Variants in GMDS observed in about 807,000 individuals in gnomAD.
GMDS encodes GDP-mannose 4,6 dehydratase.
GMDS carries 20 observed loss-of-function variants against 49.9 expected under a neutral mutation model. The observed-to-expected ratio is 0.40, with a 90% confidence interval of 0.28 to 0.58. GMDS has a LOEUF of 0.58. GMDS is among the 20% of genes least tolerant of loss of function. The pLI, the probability that GMDS is intolerant of heterozygous loss-of-function variation, is 0.42. For synonymous variants in GMDS, 177 were observed against 178.6 expected, an observed-to-expected ratio of 0.99 and a Z score of 0.07; for missense variants, 362 against 481.4, an observed-to-expected ratio of 0.75 and a Z score of 2.32.
chr6:1,715,351 G>C (rs1301193212), intron 9 of GMDS, among the ~76,000 whole-genome samples: 1 of 152,150 alleles, frequency 6.6e-6, no homozygotes, highest in East Asian at 1.9e-4. Flanking sequence ...AATAATTTTG[G>C]TTCTATCAGA....
intron 9 of GMDS, among the ~76,000 whole-genome samples, chr6:1,630,684 C>G (rs748271497): frequency 6.6e-6 from 1 of 152,164 alleles, no homozygotes; most frequent in African/African-American, 2.4e-5. Flanking sequence ...TGCATCATAC[C>G]TATTTACAAG....
At chr6:1,896,079 G>C (rs189932410) in intron 7 of GMDS, among the ~76,000 whole-genome samples, 4 of 152,202 alleles carry the variant, frequency 2.6e-5, no homozygotes, top group African/African-American at 9.6e-5. Flanking sequence ...AAGCAGATTG[G>C]GGGAGCAGAG....
At chr6:1,973,811 A>AC (rs1764748149) in intron 4 of GMDS, among the ~76,000 whole-genome samples, 1 of 152,164 alleles carries the variant, frequency 6.6e-6, no homozygotes, top group South Asian at 2.1e-4. Flanking sequence ...AACAACAACA[A>AC]AAAAAAGAGA....
At chr6:1,989,824 T>C (rs1437544709) in intron 4 of GMDS, among the ~76,000 whole-genome samples, 4 of 152,246 alleles carry the variant, frequency 2.6e-5, no homozygotes, top group African/African-American at 9.6e-5. Flanking sequence ...ACATCCAATG[T>C]GAGGGGCTGA....
intron 1 of GMDS, among the ~76,000 whole-genome samples, chr6:2,189,495 C>G (rs577226405): frequency 6.6e-6 from 1 of 152,138 alleles, no homozygotes; most frequent in Non-Finnish European, 1.5e-5. Context: ...TGTCCTCCCC[C>G]AAAAGTCCCA....
At chr6:2,035,362 T>C (rs1769238427) in intron 4 of GMDS, among the ~76,000 whole-genome samples, 1 of 152,218 alleles carries the variant, frequency 6.6e-6, no homozygotes, top group Admixed American at 6.5e-5. Flanking sequence ...AGCTTATCCA[T>C]TCTTCAAGGC....
chr6:1,803,601 A>G (rs1770041857), intron 7 of GMDS, among the ~76,000 whole-genome samples: 1 of 151,382 alleles, frequency 6.6e-6, no homozygotes, highest in Non-Finnish European at 1.5e-5. Context: ...AATAAATATA[A>G]TAGTTACTTT....
At chr6:1,752,115 T>C (rs1350756450) in intron 7 of GMDS, among the ~76,000 whole-genome samples, 1 of 152,110 alleles carries the variant, frequency 6.6e-6, no homozygotes, top group African/African-American at 2.4e-5. Context: ...TCTAACCCAA[T>C]GCAAGAAAGC....
intron 7 of GMDS, among the ~76,000 whole-genome samples, chr6:1,851,743 G>A (rs916157198): frequency 1.8e-4 from 28 of 152,132 alleles, no homozygotes; most frequent in African/African-American, 5.8e-4. Flanking sequence ...AGAAAAAAAA[G>A]AAAAGCTGGA....
intron 1 of GMDS, among the ~76,000 whole-genome samples, chr6:2,160,090 C>A (rs1777318417): frequency 1.3e-5 from 2 of 152,142 alleles, no homozygotes; most frequent in Admixed American, 1.3e-4. Context: ...ACAATTTAAG[C>A]CTAAATATTA....
chr6:1,817,013 G>T lies in GMDS; in HGVS notation c.772-74427C>A, dbSNP rs1247369286. Among the ~76,000 whole-genome samples the T allele has an allele frequency of 2.7e-5, 4 of 149,716 alleles. No homozygotes were observed. The East Asian group carries it at 7.8e-4, about 29-fold the overall frequency. ...TCTAAAGCAGTATCTAAAAAAATTT[G>T]TCATTAGTAAATTAGCAGTGTCCAT... On this transcript the variant is annotated intron_variant, in intron 7 of 10. Transcript: ENST00000380815.
chr6:2,099,789 C>A (rs1170808042), intron 4 of GMDS, among the ~76,000 whole-genome samples: 2 of 151,936 alleles, frequency 1.3e-5, no homozygotes, highest in South Asian at 2.1e-4. Flanking sequence ...TTAAATATTT[C>A]TTGAGAAAAA....
At chr6:2,110,315 C>T (rs1034808096) in intron 4 of GMDS, among the ~76,000 whole-genome samples, 4 of 148,948 alleles carry the variant, frequency 2.7e-5, no homozygotes, top group East Asian at 2.0e-4. Context: ...TATTAAGGTA[C>T]GGATTTCAAC....
At chr6:1,980,592 C>A (rs1765168933) in intron 4 of GMDS, among the ~76,000 whole-genome samples, 1 of 152,116 alleles carries the variant, frequency 6.6e-6, no homozygotes, top group South Asian at 2.1e-4. Flanking sequence ...AGACTCCCAA[C>A]AATAATAGTG....
chr6:2,125,560 C>T (rs1437155664), intron 1 of GMDS, among the ~76,000 whole-genome samples: 1 of 152,058 alleles, frequency 6.6e-6, no homozygotes, highest in East Asian at 1.9e-4. Context: ...CAAAACTGCA[C>T]TCCAGCCTGG....
intron 7 of GMDS, among the ~76,000 whole-genome samples, chr6:1,753,065 C>T (rs1053617650): frequency 4.6e-5 from 7 of 152,026 alleles, no homozygotes; most frequent in African/African-American, 1.7e-4. Context: ...GGGCTTAATG[C>T]CCCAATTAAA....
chr6:1,778,547 T>C lies in GMDS; in HGVS notation c.772-35961A>G, dbSNP rs561256203. Among the ~76,000 whole-genome samples, 1 of 152,310 alleles carries C rather than the reference T, an allele frequency of 6.6e-6. No homozygotes were observed. The highest frequency in any genetic ancestry group is 6.5e-5 in the Admixed American group (1 of 15,306). ...GTTCCAAGATCTAAAATAGGTTAGT[T>C]TGTAAAACATGCCATAAAACAGAAA... On this transcript the variant is annotated intron_variant, in intron 7 of 10. Transcript: ENST00000380815. The surrounding 1 kb of genome is among the most constrained non-coding windows in gnomAD (Gnocchi z 4.6).
chr6:1,812,117 G>A lies in GMDS; in HGVS notation c.772-69531C>T, dbSNP rs181260498. Reference sequence around the variant, plus strand: ...AGAAGTACCGCAGAGAGAGGAATTCGTTTTGAATGGTGTAAAAGGTAGATT... The same window carrying A: ...AGAAGTACCGCAGAGAGAGGAATTCATTTTGAATGGTGTAAAAGGTAGATT... On this transcript the variant is annotated intron_variant, in intron 7 of 10. Transcript: ENST00000380815. Among the ~76,000 whole-genome samples, 522 of 152,288 alleles carry A rather than the reference G, an allele frequency of 3.4e-3. 3 individuals are homozygous for A. The highest frequency in any genetic ancestry group is 0.013 in the South Asian group (61 of 4,824).
intron 4 of GMDS, among the ~76,000 whole-genome samples, chr6:2,000,297 A>C (rs1178720822): frequency 1.3e-5 from 2 of 150,876 alleles, no homozygotes; most frequent in African/African-American, 4.9e-5. Flanking sequence ...GGCCTCCCAA[A>C]ATGCTGGGAT....
Sources: gnomAD v4.1 joint callset for allele counts (sites outside exome capture counted in the v4.1 genomes callset) on GRCh38, gnomAD v4.1.1 for gene constraint, Gnocchi (gnomAD v3.1) non-coding constraint, MANE v1.5 for transcripts, NCBI Gene and HGNC (gene_info 2026-07-23, HGNC 2026-07-21) for gene names.